CRPPA: variants seen among roughly 807,000 people sequenced by gnomAD.
The protein encoded by CRPPA is CDP-L-ribitol pyrophosphorylase A, also known as D-ribitol-5-phosphate cytidylyltransferase.
In CRPPA, 43 loss-of-function variants were observed where a neutral mutation model predicts 52.0. That is an observed-to-expected ratio of 0.83 (90% CI 0.65 to 1.07). The LOEUF (loss-of-function observed/expected upper bound fraction) is 1.07, where lower values mean the gene tolerates loss of function less well. Among genes scored for constraint, CRPPA ranks in the 50% least tolerant of loss-of-function variants. The pLI is 0.00. For synonymous variants in CRPPA, 250 were observed against 203.5 expected (o/e 1.23, Z -1.94); for missense variants, 629 against 551.7 (o/e 1.14, Z -1.40).
chr7:16,113,250 G>A (rs75000447), intron 9 of CRPPA, among the ~76,000 whole-genome samples: 1,874 of 151,778 alleles, frequency 0.012, 35 homozygotes, highest in African/African-American at 0.04. Context: ...TACTGAAACT[G>A]GAGAAATAAT....
chr7:16,378,099 T>A (rs564889332), intron 2 of CRPPA, among the ~76,000 whole-genome samples: 18 of 151,450 alleles, frequency 1.2e-4, no homozygotes, highest in South Asian at 2.1e-4. Flanking sequence ...TCCTTTTTTT[T>A]TAATTTTTTT....
chr7:16,372,613 G>C (rs976658637), intron 3 of CRPPA, among the ~76,000 whole-genome samples: 1 of 152,074 alleles, frequency 6.6e-6, no homozygotes, highest in Middle Eastern at 3.4e-3. Context: ...ACCTCACAGG[G>C]TCTATAAAAC....
chr7:16,316,140 C>A (rs952550225), intron 3 of CRPPA, among the ~76,000 whole-genome samples: 15 of 151,950 alleles, frequency 9.9e-5, no homozygotes, highest in Admixed American at 9.8e-4. Flanking sequence ...ATATTCTATA[C>A]AGAAGAGGAA....
rs576658153 is a variant in CRPPA, at chr7:16,265,741, C to T, written c.934-6729G>A. 2.6e-5 allele frequency among the ~76,000 whole-genome samples: 4 copies of T among 152,278 alleles called. 1 individual carries two copies. The highest frequency in any genetic ancestry group is 5.9e-5 in the Non-Finnish European group (4 of 68,036). ...TTTACATTTAATACATTTATTGAGG[C>T]TTTATAACTTGCCAGAATCTACGCT... is the stretch of plus-strand genomic sequence containing the variant. On this transcript the variant is annotated intron_variant, in intron 6 of 9. Transcript: ENST00000407010.
intron 6 of CRPPA, among the ~76,000 whole-genome samples, chr7:16,277,671 G>C (rs1784233705): frequency 6.6e-6 from 1 of 152,120 alleles, no homozygotes; most frequent in South Asian, 2.1e-4. Context: ...TATTAGATAT[G>C]AGTTTAACTA....
intron 3 of CRPPA, among the ~76,000 whole-genome samples, chr7:16,372,330 A>G (rs1786770519): frequency 1.3e-5 from 2 of 152,224 alleles, no homozygotes; most frequent in Non-Finnish European, 2.9e-5. Context: ...AGGAAAACCT[A>G]TTAGACTAAC....
chr7:16,170,803 C>T (rs2128385173), intron 9 of CRPPA, among the ~76,000 whole-genome samples: 1 of 152,320 alleles, frequency 6.6e-6, no homozygotes, highest in South Asian at 2.1e-4. Flanking sequence ...CTGGTGCACC[C>T]TATGCAGCTA....
chr7:16,205,038 T>C (rs1486487233), intron 9 of CRPPA, among the ~76,000 whole-genome samples: 1 of 152,172 alleles, frequency 6.6e-6, no homozygotes, highest in Non-Finnish European at 1.5e-5. Flanking sequence ...AAAAGATCTT[T>C]AATCTCAATG....
intron 8 of CRPPA, among the ~76,000 whole-genome samples, chr7:16,243,142 T>C (rs1783172206): frequency 6.6e-6 from 1 of 152,178 alleles, no homozygotes. Flanking sequence ...CATGCTGTTC[T>C]CGTGATAGTG....
rs182527359 is a variant in CRPPA, at chr7:16,189,732, T to A, written c.1251+26334A>T. Among the ~76,000 whole-genome samples the A allele has an allele frequency of 5.9e-5, 9 of 152,264 alleles. No individual in the cohort carries two copies. In the South Asian group the frequency reaches 1.2e-3, roughly 21 times the overall value. On this transcript the variant is annotated intron_variant, in intron 9 of 9. Coordinates refer to ENST00000407010, the MANE Select transcript of CRPPA (RefSeq NM_001101426.4). Reference sequence around the variant, plus strand: ...TGTGTATTTAGTTAGTATTAAGAAATGAGTTAGAGACTAGCAGTAATCACA... The same window carrying A: ...TGTGTATTTAGTTAGTATTAAGAAAAGAGTTAGAGACTAGCAGTAATCACA...
At chr7:16,230,822 C>T (rs1320386251) in intron 8 of CRPPA, among the ~76,000 whole-genome samples, 1 of 152,142 alleles carries the variant, frequency 6.6e-6, no homozygotes, top group African/African-American at 2.4e-5. Context: ...TGTGACAATG[C>T]CAGAAGCCTG....
At chr7:16,119,432 T>TA (rs974349681) in intron 9 of CRPPA, among the ~76,000 whole-genome samples, 1 of 147,372 alleles carries the variant, frequency 6.8e-6, no homozygotes, top group Non-Finnish European at 1.5e-5. Context: ...AGCTAAGAAA[T>TA]AAAAAAACAA....
At chr7:16,275,807 T>C (rs1264806141) in intron 6 of CRPPA, among the ~76,000 whole-genome samples, 1 of 150,108 alleles carries the variant, frequency 6.7e-6, no homozygotes, top group South Asian at 2.1e-4. Flanking sequence ...CAAGACCCTG[T>C]CTCGGAAAAA....
intron 5 of CRPPA, among the ~76,000 whole-genome samples, chr7:16,294,756 A>G (rs1029169480): frequency 2.0e-5 from 3 of 152,032 alleles, no homozygotes; most frequent in Non-Finnish European, 4.4e-5. Flanking sequence ...ATTGTCCAAA[A>G]CACATGACTA....
intron 9 of CRPPA, among the ~76,000 whole-genome samples, chr7:16,179,497 A>G (rs1038692069): frequency 1.3e-5 from 2 of 152,042 alleles, no homozygotes; most frequent in African/African-American, 4.8e-5. Context: ...TAGATGGGTA[A>G]GAGAGAGAGG....
chr7:16,130,957 C>A (rs1433299179), intron 9 of CRPPA, among the ~76,000 whole-genome samples: 1 of 152,164 alleles, frequency 6.6e-6, no homozygotes, highest in African/African-American at 2.4e-5. Flanking sequence ...CATGTGAGGA[C>A]ACACTGAGAA....
At chr7:16,397,100 AAAT>A (rs930073305) in intron 2 of CRPPA, among the ~76,000 whole-genome samples, 1 of 152,266 alleles carries the variant, frequency 6.6e-6, no homozygotes, top group South Asian at 2.1e-4. Context: ...CACACGTGTG[AAAT>A]AAGACACGTG....
At chr7:16,390,224 T>C (rs1403352814) in intron 2 of CRPPA, among the ~76,000 whole-genome samples, 1 of 152,006 alleles carries the variant, frequency 6.6e-6, no homozygotes, top group Non-Finnish European at 1.5e-5. Context: ...CATTTAATTA[T>C]GCTTATTAAT....
At chr7:16,287,863 A>G (rs1784482070) in intron 5 of CRPPA, among the ~76,000 whole-genome samples, 1 of 139,022 alleles carries the variant, frequency 7.2e-6, no homozygotes. Context: ...CAGAGGTTGC[A>G]GTGAGCCAAG....
Sources: allele counts gnomAD v4.1 joint callset (sites outside exome capture counted in the v4.1 genomes callset), GRCh38; gene constraint gnomAD v4.1.1; transcripts MANE v1.5; gene names NCBI Gene and HGNC (gene_info 2026-07-23, HGNC 2026-07-21).